Variants in TRPS1 observed in about 807,000 individuals in gnomAD.
The protein encoded by TRPS1 is zinc finger transcription factor Trps1.
Under a neutral mutation model 101.2 loss-of-function variants are expected in TRPS1, and 6 were observed. The ratio of observed to expected loss-of-function variants is 0.06; its 90% CI spans 0.03 to 0.12. The LOEUF (loss-of-function observed/expected upper bound fraction) is 0.12, where lower values mean the gene tolerates loss of function less well. Among genes scored for constraint, TRPS1 ranks in the 10% least tolerant of loss-of-function variants. The pLI is 1.00. For missense variants in TRPS1, 1,363 were observed against 1,567.0 expected (o/e 0.87, Z 2.20); for synonymous variants, 578 against 589.8 (o/e 0.98, Z 0.29).
chr8:115,533,290 G>A (rs998280623), intron 5 of TRPS1, among the ~76,000 whole-genome samples: 1 of 152,002 alleles, frequency 6.6e-6, no homozygotes, highest in African/African-American at 2.4e-5. Flanking sequence ...GGTGAATCAA[G>A]GTCAGTAGGA....
At chr8:115,635,498 G>C (rs1452034562) in intron 1 of TRPS1, among the ~76,000 whole-genome samples, 2 of 152,100 alleles carry the variant, frequency 1.3e-5, no homozygotes, top group Non-Finnish European at 2.9e-5. Context: ...TGTTGAGTAA[G>C]GTGCTGAGGA....
chr8:115,667,900 C>T (rs1811962820), intron 1 of TRPS1: 1 of 1,535,430 alleles, frequency 6.5e-7, no homozygotes, highest in Non-Finnish European at 8.7e-7. Context: ...GCCTAGTCTG[C>T]GCCCCGCTTG....
intron 3 of TRPS1, among the ~76,000 whole-genome samples, chr8:115,615,238 C>A (rs1818251217): frequency 6.6e-6 from 1 of 152,194 alleles, no homozygotes; most frequent in South Asian, 2.1e-4. Context: ...GAAAAGGCAA[C>A]ATATATATCA....
At position 115,512,133 on chromosome 8, in the gene TRPS1, G is replaced by A. The variant is rs569871121; in HGVS notation, c.2700+74868C>T. On this transcript the variant is annotated intron_variant, in intron 5 of 6. Coordinates refer to ENST00000395715, the MANE Select transcript of TRPS1 (RefSeq NM_014112.5). ...TTTCTATTTTCAGGGTTTTATAAAA[G>A]CTATAAAAATTCTCTCCAAGCTGAA... 5.9e-5 allele frequency among the ~76,000 whole-genome samples: 9 copies of A among 151,742 alleles called. No individual in the cohort carries two copies. The South Asian group carries it at 1.7e-3, about 28-fold the overall frequency.
At chr8:115,470,631 G>A (rs79437665) in intron 5 of TRPS1, among the ~76,000 whole-genome samples, 2,005 of 152,100 alleles carry the variant, frequency 0.013, 45 homozygotes, top group African/African-American at 0.045. Flanking sequence ...AATCTTAGCC[G>A]CAGAAATGGA....
At chr8:115,641,409 G>A (rs1818891982) in intron 1 of TRPS1, among the ~76,000 whole-genome samples, 1 of 152,160 alleles carries the variant, frequency 6.6e-6, no homozygotes, top group Non-Finnish European at 1.5e-5. Context: ...AAAGATGACT[G>A]CCCAAAAAGG....
At chr8:115,597,204 AC>A (rs1343767485) in intron 4 of TRPS1, among the ~76,000 whole-genome samples, 1 of 151,988 alleles carries the variant, frequency 6.6e-6, no homozygotes, top group Non-Finnish European at 1.5e-5. Flanking sequence ...GGGAATATGA[AC>A]ATCTGATATT....
intron 5 of TRPS1, among the ~76,000 whole-genome samples, chr8:115,441,421 G>A (rs573786311): frequency 6.6e-6 from 1 of 152,256 alleles, no homozygotes; most frequent in South Asian, 2.1e-4. Context: ...ACATATTTCT[G>A]TACTTGGCTA....
chr8:115,511,646 C>G (rs1046108164), intron 5 of TRPS1, among the ~76,000 whole-genome samples: 8 of 151,988 alleles, frequency 5.3e-5, no homozygotes, highest in African/African-American at 1.4e-4. Context: ...AAAGATCTGA[C>G]ATATTCTGGG....
intron 5 of TRPS1, among the ~76,000 whole-genome samples, chr8:115,527,784 T>C (rs571577159): frequency 6.6e-6 from 1 of 152,186 alleles, no homozygotes; most frequent in Non-Finnish European, 1.5e-5. Context: ...AAAGAAGCCA[T>C]TCTGGTATTA....
intron 5 of TRPS1, among the ~76,000 whole-genome samples, chr8:115,462,259 A>T (rs190483544): frequency 3.9e-5 from 6 of 152,304 alleles, no homozygotes. Flanking sequence ...CAGACAATCT[A>T]TCAGTTACTG....
At chr8:115,419,089 C>T (rs551576234) in intron 5 of TRPS1, among the ~76,000 whole-genome samples, 1 of 152,188 alleles carries the variant, frequency 6.6e-6, no homozygotes, top group South Asian at 2.1e-4. Flanking sequence ...ATGAGGTGCC[C>T]ACTTAAGTTA....
Position 115,623,616 on chromosome 8 carries a change from C to G in TRPS1, c.22G>C (p.Gly8Arg). 2 of 1,611,098 alleles carry G rather than the reference C, an allele frequency of 1.2e-6. No individual in the cohort carries two copies. The highest frequency in any genetic ancestry group is 1.7e-6 in the Non-Finnish European group (2 of 1,178,680). MPYEVNA[G>R]YDFTNMVRKK... is the part of the protein sequence containing the mutation. Reference sequence around the variant, plus strand: ...GATCACATACTTGTAAAATCATACCCAGCATTGACTTCATAAGGCATGTGG... The same window carrying G: ...GATCACATACTTGTAAAATCATACCGAGCATTGACTTCATAAGGCATGTGG... Residue 8 changes from glycine (G) to arginine (R), a missense_variant, in exon 2 of 7, where the codon GGG (glycine) becomes CGG (arginine). Gly to Arg is a moderately radical substitution (Grantham distance 125, BLOSUM62 -2). Coordinates refer to ENST00000395715, the MANE Select transcript of TRPS1 (RefSeq NM_014112.5).
intron 5 of TRPS1, among the ~76,000 whole-genome samples, chr8:115,530,433 G>A (rs1816102204): frequency 6.6e-6 from 1 of 152,104 alleles, no homozygotes; most frequent in Non-Finnish European, 1.5e-5. Flanking sequence ...CACTTAATCA[G>A]TATGAGGAAA....
chr8:115,638,698 A>G (rs1203659606), intron 1 of TRPS1, among the ~76,000 whole-genome samples: 1 of 152,198 alleles, frequency 6.6e-6, no homozygotes, highest in East Asian at 1.9e-4. Flanking sequence ...ATGCAAGCAC[A>G]TTAACCAAAA....
At chr8:115,584,681 G>A (rs1372680755) in intron 5 of TRPS1, among the ~76,000 whole-genome samples, 2 of 149,054 alleles carry the variant, frequency 1.3e-5, no homozygotes, top group South Asian at 2.1e-4. Context: ...TAGGTAATTC[G>A]GTATGATAAT....
chr8:115,616,529 T>C (rs1247268590), intron 3 of TRPS1, among the ~76,000 whole-genome samples: 1 of 151,582 alleles, frequency 6.6e-6, no homozygotes, highest in Non-Finnish European at 1.5e-5. Context: ...CTGTTACTTT[T>C]TTTTTTTTTT....
intron 5 of TRPS1, among the ~76,000 whole-genome samples, chr8:115,516,936 T>G (rs1411134449): frequency 6.6e-6 from 1 of 151,076 alleles, no homozygotes; most frequent in Non-Finnish European, 1.5e-5. Flanking sequence ...ATTAAAAAAG[T>G]AAAGGGTAGG....
intron 5 of TRPS1, among the ~76,000 whole-genome samples, chr8:115,438,350 G>A (rs530732404): frequency 1.3e-5 from 2 of 152,314 alleles, no homozygotes; most frequent in African/African-American, 2.4e-5. Flanking sequence ...ATGACCCAAG[G>A]TCTCAAGTTG....
Sources: allele counts gnomAD v4.1 joint callset (sites outside exome capture counted in the v4.1 genomes callset), GRCh38; gene constraint gnomAD v4.1.1; transcripts MANE v1.5; gene names NCBI Gene and HGNC (gene_info 2026-07-23, HGNC 2026-07-21).